CDK5RAP2: variants seen among roughly 807,000 people sequenced by gnomAD.
CDK5RAP2 encodes the protein CDK5 regulatory subunit associated protein 2, also known as CDK5 regulatory subunit-associated protein 2.
In CDK5RAP2, 147 loss-of-function variants were observed where a neutral mutation model predicts 232.9. That is an observed-to-expected ratio of 0.63 (90% CI 0.55 to 0.72). The LOEUF (loss-of-function observed/expected upper bound fraction) is 0.72. CDK5RAP2 is among the 30% of genes least tolerant of loss of function. The pLI, the probability that CDK5RAP2 is intolerant of heterozygous loss-of-function variation, is 0.00. For synonymous variants in CDK5RAP2, 833 were observed against 833.7 expected (o/e 1.00, Z 0.01); for missense variants, 2,195 against 2,231.5 (o/e 0.98, Z 0.33).
chr9:120,502,117 C>T (rs1009491674), intron 12 of CDK5RAP2, among the ~76,000 whole-genome samples: 2 of 152,206 alleles, frequency 1.3e-5, no homozygotes, highest in African/African-American at 4.8e-5. Context: ...GACTCACTAA[C>T]ACAATGATCC....
intron 25 of CDK5RAP2, 47 bp downstream of exon 25, chr9:120,437,247 TG>T: frequency 7.3e-7 from 1 of 1,368,560 alleles, no homozygotes; most frequent in Non-Finnish European, 1.0e-6. Context: ...CAAGAAGTCC[TG>T]GGTCAATTAC....
intron 15 of CDK5RAP2, among the ~76,000 whole-genome samples, chr9:120,475,242 T>C (rs1046806777): frequency 1.3e-5 from 2 of 152,188 alleles, no homozygotes; most frequent in Non-Finnish European, 2.9e-5. Context: ...AGAGCTGAGA[T>C]GTGGACCTAG....
chr9:120,444,531 A>AAGATGTC (rs1332066956), intron 22 of CDK5RAP2, among the ~76,000 whole-genome samples: 1 of 152,256 alleles, frequency 6.6e-6, no homozygotes, highest in Non-Finnish European at 1.5e-5. Context: ...AATGAATGAA[A>AAGATGTC]AGATGTCTGG....
At chr9:120,564,935 G>C (rs1242627726) in intron 3 of CDK5RAP2, among the ~76,000 whole-genome samples, 3 of 152,198 alleles carry the variant, frequency 2.0e-5, no homozygotes, top group Non-Finnish European at 2.9e-5. Flanking sequence ...TCTAGGGAGG[G>C]AAGACCAATA....
chr9:120,549,500 T>C (rs948258146), intron 4 of CDK5RAP2, among the ~76,000 whole-genome samples: 1 of 152,124 alleles, frequency 6.6e-6, no homozygotes, highest in Non-Finnish European at 1.5e-5. Context: ...TACAATGAGA[T>C]TGGAAGACCT....
At chr9:120,531,159 C>T (rs978510225) in intron 7 of CDK5RAP2, among the ~76,000 whole-genome samples, 2 of 152,136 alleles carry the variant, frequency 1.3e-5, no homozygotes, top group African/African-American at 4.8e-5. Context: ...TCCATCTCCA[C>T]TCAGTAGCCT....
chr9:120,560,275 C>T lies in CDK5RAP2; in HGVS notation c.195+8046G>A, dbSNP rs1295926124. Among the ~76,000 whole-genome samples, 3 of 152,202 alleles carry T rather than the reference C, an allele frequency of 2.0e-5. No homozygotes were observed. In the East Asian group the frequency reaches 5.8e-4, roughly 29 times the overall value. ...CAATTCCCTCACAGGGGTGTTGTGACAACTAAATGAGCTAAAGCACCTGGC... is the reference window on the plus strand; with the variant it reads ...CAATTCCCTCACAGGGGTGTTGTGATAACTAAATGAGCTAAAGCACCTGGC... On this transcript the variant is annotated intron_variant, in intron 3 of 37. Transcript: ENST00000349780.
At chr9:120,422,667 C>A (rs745830703) in intron 26 of CDK5RAP2, 26 bp downstream of exon 26, 2 of 1,591,436 alleles carry the variant, frequency 1.3e-6, no homozygotes, top group Admixed American at 1.7e-5. Flanking sequence ...CCTGGGAAGT[C>A]TTCTTAACAA....
intron 22 of CDK5RAP2, among the ~76,000 whole-genome samples, chr9:120,445,974 T>C (rs2036165459): frequency 6.6e-6 from 1 of 152,192 alleles, no homozygotes; most frequent in African/African-American, 2.4e-5. Context: ...GTCTTCAGTC[T>C]TTCTCATCTC....
chr9:120,532,226 A>G (rs1057251186), intron 7 of CDK5RAP2, among the ~76,000 whole-genome samples: 14 of 152,132 alleles, frequency 9.2e-5, no homozygotes, highest in African/African-American at 3.1e-4. Context: ...TTTTTTACAT[A>G]CTGGCAACTA....
chr9:120,471,542 C>G (rs1178068933), intron 16 of CDK5RAP2, among the ~76,000 whole-genome samples: 1 of 152,208 alleles, frequency 6.6e-6, no homozygotes, highest in Non-Finnish European at 1.5e-5. Flanking sequence ...AGCAATCCTG[C>G]ACCTGACCTT....
rs368218077 is a variant in CDK5RAP2, at chr9:120,472,339, A to AACGT, written c.1728-465_1728-462dup. 6.4e-4 allele frequency among the ~76,000 whole-genome samples: 97 copies of AACGT among 152,336 alleles called. No individual in the cohort carries two copies. The Middle Eastern group carries it at 0.01, about 16-fold the overall frequency. ...CTATAGGCGTTAACTAGGTGAAAAT[A>AACGT]ACGTAATTCTCCATTCCAGAATGTG... is the stretch of plus-strand genomic sequence containing the variant. On this transcript the variant is annotated intron_variant, in intron 15 of 37. Coordinates refer to ENST00000349780, the MANE Select transcript of CDK5RAP2 (RefSeq NM_018249.6).
chr9:120,447,470 G>A (rs1008435857), intron 22 of CDK5RAP2, among the ~76,000 whole-genome samples: 70 of 152,320 alleles, frequency 4.6e-4, no homozygotes, highest in Non-Finnish European at 9.1e-4. Flanking sequence ...ACTTCTAGAG[G>A]AAGACGCAAG....
chr9:120,516,643 C>G (rs1017020824), intron 12 of CDK5RAP2, among the ~76,000 whole-genome samples: 1 of 152,080 alleles, frequency 6.6e-6, no homozygotes, highest in Non-Finnish European at 1.5e-5. Flanking sequence ...CTGGGCAACA[C>G]AGCCAGACCC....
chr9:120,440,168 A>C (rs1301993224), intron 23 of CDK5RAP2, 196 bp from the exon 24 acceptor site: 7 of 611,524 alleles, frequency 1.1e-5, no homozygotes, highest in African/African-American at 1.8e-5. Flanking sequence ...AAAAAGCCCT[A>C]GTCTTTCCCT....
intron 17 of CDK5RAP2, among the ~76,000 whole-genome samples, chr9:120,468,562 T>C (rs1335019164): frequency 6.6e-6 from 1 of 152,232 alleles, no homozygotes; most frequent in African/African-American, 2.4e-5. Flanking sequence ...TATTATTCCT[T>C]GCAAAAATCC....
At chr9:120,574,241 T>C (rs1187438172) in intron 1 of CDK5RAP2, among the ~76,000 whole-genome samples, 1 of 152,160 alleles carries the variant, frequency 6.6e-6, no homozygotes, top group Non-Finnish European at 1.5e-5. Context: ...CTACCCACTT[T>C]TAAAATGCTA....
intron 10 of CDK5RAP2, among the ~76,000 whole-genome samples, chr9:120,527,511 T>TG (rs200622903): frequency 0.086 from 1,310 of 15,250 alleles, 21 homozygotes; most frequent in African/African-American, 0.11. Flanking sequence ...GATTATGTTT[T>TG]GGGGGGGGAT....
rs530383054 is a variant in CDK5RAP2, at chr9:120,407,165, G to C, written c.4810C>G (p.Gln1604Glu). 6.2e-7 allele frequency: 1 copy of C among 1,613,944 alleles called. No individual in the cohort carries two copies. Among genetic ancestry groups the C allele is most frequent in the South Asian group, 1.1e-5 (1 of 91,086 alleles). The change falls in exon 32 of 38, where the codon CAA becomes GAA. Residue 1604 changes from glutamine (Q) to glutamate (E), a missense_variant. By Grantham distance (29) the Gln-to-Glu change is conservative. Transcript: ENST00000349780. Reference sequence around the variant, plus strand: ...CTGGTTTCGATGCTCCTTTCTAGTTGCAAGCGCAGAGCCTGGATCTCCATC... The same window carrying C: ...CTGGTTTCGATGCTCCTTTCTAGTTCCAAGCGCAGAGCCTGGATCTCCATC... ...LLMEIQALRL[Q>E]LERSIETSST...
Sources: gnomAD v4.1 joint callset for allele counts (sites outside exome capture counted in the v4.1 genomes callset) on GRCh38, gnomAD v4.1.1 for gene constraint, MANE v1.5 for transcripts, NCBI Gene and HGNC (gene_info 2026-07-23, HGNC 2026-07-21) for gene names.